The following DNAJB11 variants were observed in gnomAD, a reference collection of about 807,000 sequenced individuals.
DNAJB11 encodes the protein dnaJ homolog subfamily B member 11.
In DNAJB11, 30 loss-of-function variants were observed where a neutral mutation model predicts 47.2. That is an observed-to-expected ratio of 0.64 (90% confidence interval 0.48 to 0.86). The LOEUF (loss-of-function observed/expected upper bound fraction) is 0.86. DNAJB11 is among the 40% of genes least tolerant of loss of function. The pLI is 0.00. For missense variants in DNAJB11, 357 were observed against 440.2 expected, an observed-to-expected ratio of 0.81 and a Z score of 1.69; for synonymous variants, 151 against 159.9, an observed-to-expected ratio of 0.94 and a Z score of 0.42.
At chr3:186,571,100 A>AG in intron 1 of DNAJB11, 135 bp downstream of exon 1, 2 of 778,622 alleles carry the variant, frequency 2.6e-6, no homozygotes, top group Non-Finnish European at 4.1e-6. Flanking sequence ...GGGGTGGCGG[A>AG]GGAAGGGGTA....
intron 2 of DNAJB11, among the ~76,000 whole-genome samples, chr3:186,573,307 G>A (rs1182059887): frequency 6.6e-6 from 1 of 152,176 alleles, no homozygotes; most frequent in African/African-American, 2.4e-5. Context: ...GAAACAGTGA[G>A]TTATACCCAG....
intron 3 of DNAJB11, among the ~76,000 whole-genome samples, chr3:186,576,406 G>C (rs1013777188): frequency 6.6e-6 from 1 of 152,164 alleles, no homozygotes; most frequent in East Asian, 1.9e-4. Flanking sequence ...CTTGCTTTCT[G>C]GGAGTGCTGG....
At chr3:186,571,340 G>A (rs916910620) in intron 1 of DNAJB11, among the ~76,000 whole-genome samples, 2 of 152,198 alleles carry the variant, frequency 1.3e-5, no homozygotes, top group African/African-American at 2.4e-5. Flanking sequence ...GAAAGATAGT[G>A]ACAGTGCCAG....
chr3:186,577,602 A>G, intron 3 of DNAJB11, 66 bp from the exon 4 acceptor site: 1 of 1,417,330 alleles, frequency 7.1e-7, no homozygotes, highest in Non-Finnish European at 9.5e-7. Flanking sequence ...AAAGAAAATG[A>G]GTTAATTGTG....
chr3:186,571,037 G>GT, intron 1 of DNAJB11, 72 bp downstream of exon 1: 2 of 940,406 alleles, frequency 2.1e-6, no homozygotes, highest in Non-Finnish European at 3.2e-6. Context: ...GGGGGTGGGG[G>GT]AAGTGGCATT....
chr3:186,584,611 G>GTGTGTGTGTGTA lies in DNAJB11; in HGVS notation c.1012+33_1012+34insATGTGTGTGTGT, dbSNP rs778035138. 10 of 1,513,428 alleles carry GTGTGTGTGTGTA rather than the reference G, an allele frequency of 6.6e-6. No homozygotes were observed. In the South Asian group the frequency reaches 1.2e-4, roughly 18 times the overall value. 93.7% of individuals were successfully genotyped at this position (1,513,428 alleles called of 1,614,324 possible). A position where few individuals can be genotyped will look rare whatever the true frequency, so the allele number is the denominator to read the frequency against. ...GAAGGTATGGCATATTAGTGTGTGT[G>GTGTGTGTGTGTA]TGTGTGTGTGTTTGTGTGTGTGTAT... On this transcript the variant is annotated intron_variant, in intron 9 of 9. Coordinates refer to ENST00000265028, the MANE Select transcript of DNAJB11 (RefSeq NM_016306.6).
intron 2 of DNAJB11, 21 bp from the exon 3 acceptor site, chr3:186,575,819 T>C (rs750447251): frequency 6.3e-7 from 1 of 1,585,538 alleles, no homozygotes; most frequent in South Asian, 1.1e-5. Context: ...GATCTTTTCC[T>C]CCACTGGCTT....
At chr3:186,578,464 G>T (rs1560236183) in intron 4 of DNAJB11, 1 of 152,108 alleles carries the variant, frequency 6.6e-6, no homozygotes, top group African/African-American at 2.4e-5. Context: ...ATACTGTATT[G>T]CTTTTGAAAT....
At position 186,571,987 on chromosome 3, in the gene DNAJB11, C is replaced by T. The variant is rs138527662; in HGVS notation, c.69-108C>T. On this transcript the variant is annotated intron_variant, in intron 1 of 9. Transcript: ENST00000265028. Reference sequence around the variant, plus strand: ...TGTCACATAAACCTTCATTTTTATACCTCTTTGCTCAGATACAAACCTAAA... The same window carrying T: ...TGTCACATAAACCTTCATTTTTATATCTCTTTGCTCAGATACAAACCTAAA... The T allele has an allele frequency of 1.6e-3, 1,475 of 919,970 alleles. 13 individuals are homozygous for T. In the African/African-American group the frequency reaches 0.019, roughly 12 times the overall value. The allele number at this position is 919,970 out of a possible 1,614,324, so 57.0% of individuals were successfully genotyped here. A position where few individuals can be genotyped will look rare whatever the true frequency, so the allele number is the denominator to read the frequency against.
chr3:186,585,213 T>C (rs1019291061), intron 9 of DNAJB11, 131 bp from the exon 10 acceptor site: 2 of 618,694 alleles, frequency 3.2e-6, no homozygotes, highest in African/African-American at 1.9e-5. Context: ...CGTTGGAGAT[T>C]GGTAGTTATT....
chr3:186,582,388 T>C (rs1488735030), intron 6 of DNAJB11, among the ~76,000 whole-genome samples: 1 of 152,204 alleles, frequency 6.6e-6, no homozygotes, highest in East Asian at 1.9e-4. Context: ...GTAACTCTAG[T>C]TGGCATTAAT....
chr3:186,582,149 C>T lies in DNAJB11; in HGVS notation c.682+72C>T, dbSNP rs982242780. On this transcript the variant is annotated intron_variant, in intron 6 of 9. Transcript: ENST00000265028. Reference sequence around the variant, plus strand: ...TCTGCTTGTTTGTGAATACCTTTCACCCCTGCCTTACTCCATCTTAATGTT... The same window carrying T: ...TCTGCTTGTTTGTGAATACCTTTCATCCCTGCCTTACTCCATCTTAATGTT... 41 of 1,133,396 alleles carry T rather than the reference C, an allele frequency of 3.6e-5. 1 individual carries two copies. Among genetic ancestry groups the T allele is most frequent in the Middle Eastern group, 3.9e-4 (2 of 5,150 alleles). The allele number at this position is 1,133,396 out of a possible 1,614,324, so 70.2% of individuals were successfully genotyped here.
chr3:186,576,346 T>C (rs1303986436), intron 3 of DNAJB11, among the ~76,000 whole-genome samples: 1 of 152,160 alleles, frequency 6.6e-6, no homozygotes, highest in African/African-American at 2.4e-5. Flanking sequence ...GTGAGGGTGA[T>C]TATAATAACC....
In DNAJB11 at chr3:186,585,455, T is replaced by C. The variant is rs1344722833; in HGVS notation, c.*47T>C. ...GTTTAAAATAAGTGAATAAGCGATA[T>C]TTATTATCTGCAAGGTTTTTTTGTG... On this transcript the variant is annotated 3_prime_UTR_variant, in exon 10 of 10. Transcript: ENST00000265028. The C allele has an allele frequency of 1.4e-6, 2 of 1,433,558 alleles. No homozygotes were observed. Among genetic ancestry groups the C allele is most frequent in the Non-Finnish European group, 1.9e-6 (2 of 1,037,356 alleles). 88.8% of individuals were successfully genotyped at this position (1,433,558 alleles called of 1,614,324 possible).
At chr3:186,585,104 A>C (rs1466675607) in intron 9 of DNAJB11, among the ~76,000 whole-genome samples, 1 of 152,198 alleles carries the variant, frequency 6.6e-6, no homozygotes. Context: ...TCCTCATTTC[A>C]TAGAGCTTTG....
At chr3:186,577,875 TG>T in intron 4 of DNAJB11, 75 bp downstream of exon 4, 1 of 1,287,400 alleles carries the variant, frequency 7.8e-7, no homozygotes, top group Non-Finnish European at 1.1e-6. Context: ...GAGGTTTATA[TG>T]TACCTTCTCT....
At position 186,581,442 on chromosome 3, in the gene DNAJB11, G is replaced by A. The variant is rs768393658; in HGVS notation, c.528G>A (p.Arg176=). ...AGTGCAATTGTCGGCAAGAGATGCG[G>A]ACCACCCAGCTGGGCCCTGGGCGCT... ...KRKCNCRQEM[R]TTQLGPGRFQ... Residue 176 remains arginine (R), a synonymous_variant, in exon 5 of 10, where the codon CGG becomes CGA. Transcript: ENST00000265028. 1 of 1,613,916 alleles carries A rather than the reference G, an allele frequency of 6.2e-7. No individual in the cohort carries two copies. The highest frequency in any genetic ancestry group is 8.5e-7 in the Non-Finnish European group (1 of 1,179,982).
rs780786338 is a variant in DNAJB11, at chr3:186,570,720, A to T, written c.-178A>T. The T allele has an allele frequency of 8.6e-5, 54 of 630,826 alleles. No homozygotes were observed. The highest frequency in any genetic ancestry group is 1.2e-4 in the Non-Finnish European group (44 of 363,060). 39.1% of individuals were successfully genotyped at this position (630,826 alleles called of 1,614,324 possible). The stretch of plus-strand genomic sequence containing the variant: ...GGGGCTTCTCTCACCGGGACTCGGG[A>T]CTCCCGGGAAGTGGACCGGCAGAAG... On this transcript the variant is annotated 5_prime_UTR_variant, in exon 1 of 10. Transcript: ENST00000265028.
chr3:186,575,214 T>TAC (rs1363085173), intron 2 of DNAJB11, among the ~76,000 whole-genome samples: 1 of 152,038 alleles, frequency 6.6e-6, no homozygotes, highest in Non-Finnish European at 1.5e-5. Context: ...AACATATATA[T>TAC]ATATGGCAGG....
Sources: allele counts gnomAD v4.1 joint callset (sites outside exome capture counted in the v4.1 genomes callset), GRCh38; gene constraint gnomAD v4.1.1; transcripts MANE v1.5; gene names NCBI Gene and HGNC (gene_info 2026-07-23, HGNC 2026-07-21).